Variants in UNC79 observed in about 807,000 individuals in gnomAD.
The protein encoded by UNC79 is unc-79 subunit of NALCN channel complex.
UNC79 carries 37 observed loss-of-function variants against 283.1 expected under a neutral mutation model. The ratio of observed to expected loss-of-function variants is 0.13; its 90% CI spans 0.10 to 0.17. The LOEUF (loss-of-function observed/expected upper bound fraction) is 0.17, where lower values mean the gene tolerates loss of function less well. UNC79 is among the 10% of genes least tolerant of loss of function. The pLI, the probability that UNC79 is intolerant of heterozygous loss-of-function variation, is 1.00. For synonymous variants in UNC79, 1,107 were observed against 1,200.2 expected (o/e 0.92, Z 1.61); for missense variants, 2,272 against 3,211.1 (o/e 0.71, Z 7.07).
At chr14:93,487,886 T>C (rs1367456262) in intron 5 of UNC79, 131 bp downstream of exon 5, 2 of 757,712 alleles carry the variant, frequency 2.6e-6, no homozygotes, top group Non-Finnish European at 4.0e-6. Flanking sequence ...GACTTTTGAG[T>C]TGGAATCAAT....
intron 30 of UNC79, among the ~76,000 whole-genome samples, chr14:93,627,521 A>G (rs541934540): frequency 6.6e-6 from 1 of 152,314 alleles, no homozygotes; most frequent in East Asian, 1.9e-4. Flanking sequence ...CTCGACCTGG[A>G]CCTTGAAGCC....
chr14:93,646,913 G>A (rs114995265), intron 35 of UNC79, among the ~76,000 whole-genome samples: 1 of 152,246 alleles, frequency 6.6e-6, no homozygotes, highest in African/African-American at 2.4e-5. Context: ...GGCTCCAATT[G>A]CAGCTCTAGA....
chr14:93,439,789 A>G lies in UNC79; in HGVS notation c.22+8738A>G, dbSNP rs147289460. The stretch of plus-strand genomic sequence containing the variant: ...CTATTTGTTGTATGACACTTGTTCT[A>G]TTTAGACTTTCTGTTTCTACTGGGG... On this transcript the variant is annotated intron_variant, in intron 1 of 48. Transcript: ENST00000555664. Among the ~76,000 whole-genome samples, 9 of 152,188 alleles carry G rather than the reference A, an allele frequency of 5.9e-5. No homozygotes were observed. The East Asian group carries it at 1.5e-3, about 26-fold the overall frequency.
intron 1 of UNC79, among the ~76,000 whole-genome samples, chr14:93,460,730 A>T (rs1203721148): frequency 6.6e-6 from 1 of 152,060 alleles, no homozygotes; most frequent in East Asian, 1.9e-4. Flanking sequence ...ATAATTAAAG[A>T]TGTGTGCACA....
chr14:93,623,256 G>A (rs1182698650), intron 30 of UNC79, among the ~76,000 whole-genome samples: 1 of 152,302 alleles, frequency 6.6e-6, no homozygotes, highest in South Asian at 2.1e-4. Flanking sequence ...CAATGTGGAG[G>A]CTAAAATAAA....
chr14:93,563,149 G>A (rs1481232015), intron 14 of UNC79, among the ~76,000 whole-genome samples: 1 of 152,190 alleles, frequency 6.6e-6, no homozygotes, highest in African/African-American at 2.4e-5. Flanking sequence ...TGCCTTGTGT[G>A]GGAAGAGATT....
intron 7 of UNC79, among the ~76,000 whole-genome samples, chr14:93,506,283 C>A (rs889805933): frequency 6.6e-6 from 1 of 150,948 alleles, no homozygotes; most frequent in East Asian, 1.9e-4. Context: ...AGTGCAATGG[C>A]ACGATCTCAG....
chr14:93,631,273 C>T (rs1390503437), intron 31 of UNC79, among the ~76,000 whole-genome samples: 2 of 152,178 alleles, frequency 1.3e-5, no homozygotes, highest in African/African-American at 4.8e-5. Context: ...TTACATGGAA[C>T]ACTTTTATTT....
chr14:93,408,272 G>T (rs1415510799), intron 1 of UNC79, among the ~76,000 whole-genome samples: 1 of 152,204 alleles, frequency 6.6e-6, no homozygotes, highest in African/African-American at 2.4e-5. Flanking sequence ...AGCTCTAAAA[G>T]AATCTAAAGG....
chr14:93,538,383 T>C (rs537552568), intron 12 of UNC79, among the ~76,000 whole-genome samples, 165 bp downstream of exon 12: 1 of 152,370 alleles, frequency 6.6e-6, no homozygotes, highest in African/African-American at 2.4e-5. Flanking sequence ...ATGAATTCAA[T>C]GAATATTTTT....
chr14:93,660,106 G>A (rs1020723805), intron 39 of UNC79, among the ~76,000 whole-genome samples: 2 of 152,158 alleles, frequency 1.3e-5, no homozygotes, highest in African/African-American at 4.8e-5. Flanking sequence ...TGCATTCGCT[G>A]CAGTGGTACA....
rs200418790 is a variant in UNC79 at position 93,497,294 on chromosome 14, G to A, written c.898+8G>A. ...GGGGGTTGCAGTACACAGGTAAGAG[G>A]AGAGGAGCCCTGTGATGCCCCATCT... On this transcript the variant is annotated splice_region_variant and intron_variant, in intron 7 of 48. Transcript: ENST00000555664. 1.1e-5 allele frequency: 18 copies of A among 1,609,806 alleles called. No individual in the cohort carries two copies. The highest frequency in any genetic ancestry group is 1.5e-5 in the Non-Finnish European group (18 of 1,179,560).
intron 31 of UNC79, among the ~76,000 whole-genome samples, chr14:93,636,794 AC>A (rs1369455927): frequency 6.6e-6 from 1 of 151,956 alleles, no homozygotes; most frequent in African/African-American, 2.4e-5. Context: ...ATTTCCTTCT[AC>A]CAGTTCCACA....
chr14:93,568,156 C>G (rs1200590497), intron 14 of UNC79, among the ~76,000 whole-genome samples: 1 of 152,110 alleles, frequency 6.6e-6, no homozygotes, highest in Non-Finnish European at 1.5e-5. Flanking sequence ...CAAGGTTTTC[C>G]TTTCACACTT....
chr14:93,359,822 T>C (rs919475931), intron 1 of UNC79, among the ~76,000 whole-genome samples: 2 of 152,178 alleles, frequency 1.3e-5, no homozygotes, highest in African/African-American at 4.8e-5. Context: ...CCGGGTCTCT[T>C]TGAGGAAGGA....
At chr14:93,603,885 A>G (rs937927843) in intron 26 of UNC79, among the ~76,000 whole-genome samples, 6 of 152,212 alleles carry the variant, frequency 3.9e-5, no homozygotes, top group Non-Finnish European at 5.9e-5. Flanking sequence ...CAAACCAATA[A>G]TAATGATTGC....
chr14:93,503,950 G>GTATGAGGTA (rs1413547514), intron 7 of UNC79, among the ~76,000 whole-genome samples: 1 of 151,474 alleles, frequency 6.6e-6, no homozygotes, highest in Non-Finnish European at 1.5e-5. Context: ...TTTCTATATG[G>GTATGAGGTA]TATGAGGTAA....
At chr14:93,632,687 CA>C (rs1226006655) in intron 31 of UNC79, among the ~76,000 whole-genome samples, 2,846 of 128,188 alleles carry the variant, frequency 0.022, 58 homozygotes, top group South Asian at 0.064. Context: ...CACCCTGTCT[CA>C]AAAAAAAAAA....
At chr14:93,350,380 A>G (rs1039095979) in intron 1 of UNC79, among the ~76,000 whole-genome samples, 5 of 152,262 alleles carry the variant, frequency 3.3e-5, no homozygotes, top group Non-Finnish European at 7.4e-5. Context: ...TAATAATTTT[A>G]TCTAAAGATC....
Sources: allele counts gnomAD v4.1 joint callset (sites outside exome capture counted in the v4.1 genomes callset), GRCh38; gene constraint gnomAD v4.1.1; transcripts MANE v1.5; gene names NCBI Gene and HGNC (gene_info 2026-07-23, HGNC 2026-07-21).